Variants in CYRIA observed in about 807,000 individuals in gnomAD.
CYRIA encodes CYFIP-related Rac1 interactor A.
Under a neutral mutation model 43.9 loss-of-function variants are expected in CYRIA, and 15 were observed. The ratio of observed to expected loss-of-function variants is 0.34; its 90% confidence interval spans 0.23 to 0.53. CYRIA has a LOEUF of 0.53. Ranked by LOEUF, CYRIA falls within the 20% of genes least tolerant of loss-of-function variation. The pLI is 0.94. For missense variants in CYRIA, 236 were observed against 394.2 expected (o/e 0.60, Z 3.40); for synonymous variants, 117 against 136.0 (o/e 0.86, Z 0.97).
chr2:16,630,809 C>A (rs1000227793), intron 1 of CYRIA, among the ~76,000 whole-genome samples: 5 of 152,236 alleles, frequency 3.3e-5, no homozygotes, highest in African/African-American at 1.2e-4. Context: ...TTTACCTCCC[C>A]TCTTCCCATC....
intron 1 of CYRIA, among the ~76,000 whole-genome samples, chr2:16,627,583 G>C (rs1395918631): frequency 2.6e-5 from 4 of 152,166 alleles, no homozygotes; most frequent in African/African-American, 4.8e-5. Flanking sequence ...CTTGTCCATG[G>C]GATTTAGCTT....
chr2:16,602,765 C>A (rs1389430788), intron 2 of CYRIA, among the ~76,000 whole-genome samples: 1 of 152,162 alleles, frequency 6.6e-6, no homozygotes, highest in African/African-American at 2.4e-5. Flanking sequence ...TTGTGGCTCT[C>A]AATCTCATGC....
chr2:16,590,788 G>A (rs763055827), intron 2 of CYRIA, among the ~76,000 whole-genome samples: 1 of 152,102 alleles, frequency 6.6e-6, no homozygotes, highest in South Asian at 2.1e-4. Context: ...CAATGACTGT[G>A]GACACTGTGT....
At chr2:16,639,251 C>A (rs1669602348) in intron 1 of CYRIA, among the ~76,000 whole-genome samples, 1 of 152,214 alleles carries the variant, frequency 6.6e-6, no homozygotes, top group African/African-American at 2.4e-5. Flanking sequence ...ATACCAAGAC[C>A]CTCAAACCCA....
At chr2:16,660,183 G>A (rs75233217) in intron 1 of CYRIA, among the ~76,000 whole-genome samples, 19,106 of 152,182 alleles carry the variant, frequency 0.13, 1,561 homozygotes, top group Non-Finnish European at 0.18. Flanking sequence ...AGAATCATCA[G>A]GCTAGATGTG....
rs563293000 is a variant in CYRIA, at chr2:16,571,661, C to T, written c.71-5894G>A. On this transcript the variant is annotated intron_variant, in intron 3 of 11. Coordinates refer to ENST00000381323, the MANE Select transcript of CYRIA (RefSeq NM_030797.4). ...AGATGTCTTTGGTTTTGAAAGATGC[C>T]CTGGCATTTCATCAATAGGATATAT... Among the ~76,000 whole-genome samples, 15 of 152,194 alleles carry T rather than the reference C, an allele frequency of 9.9e-5. 1 individual carries two copies. The Middle Eastern group carries it at 0.01, about 104-fold the overall frequency.
chr2:16,573,927 T>C (rs1042038607), intron 3 of CYRIA, among the ~76,000 whole-genome samples: 1 of 152,144 alleles, frequency 6.6e-6, no homozygotes, highest in African/African-American at 2.4e-5. Context: ...GCAGTGCAGA[T>C]GAAAAGATAA....
intron 3 of CYRIA, among the ~76,000 whole-genome samples, chr2:16,573,198 G>A (rs565569314): frequency 1.3e-5 from 2 of 152,340 alleles, no homozygotes; most frequent in South Asian, 2.1e-4. Context: ...CACTGGATAA[G>A]ACACAGAATA....
chr2:16,584,934 C>T (rs1308034847), intron 3 of CYRIA, among the ~76,000 whole-genome samples: 2 of 152,140 alleles, frequency 1.3e-5, no homozygotes, highest in Admixed American at 6.6e-5. Flanking sequence ...TACTGTCATG[C>T]CACACTGTGC....
chr2:16,571,873 T>C (rs187215165), intron 3 of CYRIA, among the ~76,000 whole-genome samples: 2 of 152,202 alleles, frequency 1.3e-5, no homozygotes, highest in Admixed American at 6.5e-5. Flanking sequence ...TGTGGGGATG[T>C]AAAATGGAAG....
chr2:16,568,778 T>C (rs1309278652), intron 3 of CYRIA, among the ~76,000 whole-genome samples: 1 of 152,102 alleles, frequency 6.6e-6, no homozygotes, highest in African/African-American at 2.4e-5. Context: ...TATAAAATAG[T>C]ATGGGAAAGA....
intron 2 of CYRIA, among the ~76,000 whole-genome samples, chr2:16,612,982 G>C (rs1198609676): frequency 2.0e-5 from 3 of 152,164 alleles, no homozygotes; most frequent in African/African-American, 7.2e-5. Context: ...CCCCGCACAA[G>C]CTTTCTTGCC....
intron 10 of CYRIA, among the ~76,000 whole-genome samples, chr2:16,557,599 T>C (rs12989232): frequency 0.22 from 33,807 of 152,090 alleles, 3,995 homozygotes; most frequent in Admixed American, 0.29. Context: ...CCTGAAACTT[T>C]CTTAGAGGTA....
intron 5 of CYRIA, among the ~76,000 whole-genome samples, chr2:16,562,576 T>A (rs1431731073): frequency 1.3e-5 from 2 of 152,192 alleles, no homozygotes; most frequent in Non-Finnish European, 2.9e-5. Context: ...TCTCTGCATC[T>A]ACATTCTAAC....
At chr2:16,647,840 CAT>C (rs1171651271) in intron 1 of CYRIA, among the ~76,000 whole-genome samples, 1 of 152,158 alleles carries the variant, frequency 6.6e-6, no homozygotes, top group Admixed American at 6.6e-5. Context: ...CTGACCCACT[CAT>C]ATCAAGGTGA....
At position 16,561,294 on chromosome 2, in the gene CYRIA, G is replaced by A. The variant is rs775269991; in HGVS notation, c.514-17C>T. 5 of 1,574,204 alleles carry A rather than the reference G, an allele frequency of 3.2e-6. No individual in the cohort carries two copies. Among genetic ancestry groups the A allele is most frequent in the African/African-American group, 1.3e-5 (1 of 74,076 alleles). On this transcript the variant is annotated splice_polypyrimidine_tract_variant and intron_variant, in intron 7 of 11. Coordinates refer to ENST00000381323, the MANE Select transcript of CYRIA (RefSeq NM_030797.4). ...AATGTCTAGCTGATGAAAATAAGAAGAGAAGATGGATTTATAAAGAGAAAG... is the reference window on the plus strand; with the variant it reads ...AATGTCTAGCTGATGAAAATAAGAAAAGAAGATGGATTTATAAAGAGAAAG...
At chr2:16,645,730 T>C (rs916774165) in intron 1 of CYRIA, among the ~76,000 whole-genome samples, 5 of 152,234 alleles carry the variant, frequency 3.3e-5, no homozygotes, top group African/African-American at 9.6e-5. Flanking sequence ...AAATACTTTC[T>C]GGAAGAAAAG....
chr2:16,635,368 T>C (rs1669463060), intron 1 of CYRIA, among the ~76,000 whole-genome samples: 1 of 152,172 alleles, frequency 6.6e-6, no homozygotes, highest in Non-Finnish European at 1.5e-5. Flanking sequence ...AGGAGTCAGC[T>C]TGCAGGAACC....
At chr2:16,615,447 A>G (rs1668747887) in intron 2 of CYRIA, among the ~76,000 whole-genome samples, 1 of 152,212 alleles carries the variant, frequency 6.6e-6, no homozygotes, top group Non-Finnish European at 1.5e-5. Context: ...CATTGTAACC[A>G]GGGATAGGAC....
Sources: allele counts gnomAD v4.1 joint callset (sites outside exome capture counted in the v4.1 genomes callset), GRCh38; gene constraint gnomAD v4.1.1; transcripts MANE v1.5; gene names NCBI Gene and HGNC (gene_info 2026-07-23, HGNC 2026-07-21).